Variants in IL12RB1 observed in about 807,000 individuals in gnomAD.
IL12RB1 encodes the protein interleukin-12 receptor subunit beta-1.
A neutral mutation model predicts 94.4 loss-of-function variants in IL12RB1; 64 were observed. The ratio of observed to expected loss-of-function variants is 0.68; its 90% CI spans 0.55 to 0.83. The LOEUF is 0.83. Among genes scored for constraint, IL12RB1 ranks in the 40% least tolerant of loss-of-function variants. The pLI, the probability that IL12RB1 is intolerant of heterozygous loss-of-function variation, is 0.00. For missense variants in IL12RB1, 814 were observed against 855.6 expected (o/e 0.95, Z 0.61); for synonymous variants, 362 against 355.5 (o/e 1.02, Z -0.21).
chr19:18,075,453 G>T (rs1195529646), intron 7 of IL12RB1, among the ~76,000 whole-genome samples: 1 of 151,640 alleles, frequency 6.6e-6, no homozygotes, highest in African/African-American at 2.4e-5. Context: ...TAGAGAAGGG[G>T]TTTCACCATG....
intron 9 of IL12RB1, among the ~76,000 whole-genome samples, chr19:18,070,139 C>T (rs1189964355): frequency 3.3e-5 from 5 of 152,062 alleles, no homozygotes; most frequent in African/African-American, 9.7e-5. Context: ...AGGCTGGTCT[C>T]GAACTCCTGA....
chr19:18,059,820 C>T, intron 16 of IL12RB1, 74 bp downstream of exon 16: 1 of 853,528 alleles, frequency 1.2e-6, no homozygotes, highest in Non-Finnish European at 2.0e-6. Context: ...ATCCCAGGAG[C>T]GATGGATGTC....
At chr19:18,079,876 G>A (rs572999061) in intron 4 of IL12RB1, among the ~76,000 whole-genome samples, 8 of 152,018 alleles carry the variant, frequency 5.3e-5, no homozygotes, top group African/African-American at 1.4e-4. Context: ...CAGCCTGGGC[G>A]ACAGAGCGAA....
intron 1 of IL12RB1, chr19:18,097,735 G>T: frequency 8.7e-7 from 1 of 1,149,458 alleles, no homozygotes; most frequent in Non-Finnish European, 1.1e-6. Flanking sequence ...CCTGGCGGCG[G>T]GGCCTGGCAG....
intron 4 of IL12RB1, among the ~76,000 whole-genome samples, chr19:18,078,949 G>A (rs369378): frequency 0.17 from 26,210 of 151,816 alleles, 2,405 homozygotes; most frequent in Non-Finnish European, 0.21. Flanking sequence ...GCCTGTACTC[G>A]AAGCACTTTG....
Position 18,060,074 on chromosome 19 carries a change from C to A in IL12RB1, c.1803G>T (p.Trp601Cys). ...CTTCCTGGAAGTCCACTGGGTTGAT[C>A]CACTGCCAAGTCTGCAGAGGGAGGG... is the stretch of plus-strand genomic sequence containing the variant. The part of the protein sequence containing the change: ...EFPGGKETWQ[W>C]INPVDFQEEA... The change falls in exon 16 of 17, where the codon TGG (tryptophan) becomes TGT (cysteine). Residue 601 changes from tryptophan to cysteine, a missense_variant. By Grantham distance (215) the Trp-to-Cys change is radical. Transcript: ENST00000593993. 6.3e-7 allele frequency: 1 copy of A among 1,594,966 alleles called. No homozygotes were observed. The highest frequency in any genetic ancestry group is 8.6e-7 in the Non-Finnish European group (1 of 1,164,402).
upstream of IL12RB1, chr19:18,091,508 T>A (rs763987195): frequency 3.9e-5 from 6 of 152,122 alleles, no homozygotes; most frequent in East Asian, 5.8e-4. Flanking sequence ...CGAGCTTCCC[T>A]CCATGTGGCA....
At chr19:18,079,580 G>A (rs546003111) in intron 4 of IL12RB1, among the ~76,000 whole-genome samples, 4 of 151,914 alleles carry the variant, frequency 2.6e-5, no homozygotes, top group Non-Finnish European at 4.4e-5. Context: ...TTCTACTTTC[G>A]GTGCCTAGAT....
intron 2 of IL12RB1, among the ~76,000 whole-genome samples, chr19:18,082,954 G>A (rs17880695): frequency 0.39 from 58,634 of 151,544 alleles, 12,252 homozygotes; most frequent in South Asian, 0.59. Context: ...GTGGTGGCGG[G>A]CACCTGTAAT....
rs1282668539 is a variant in IL12RB1, at chr19:18,062,253, A to G, written c.1643T>C (p.Ile548Thr). 1 of 1,612,606 alleles carries G rather than the reference A, an allele frequency of 6.2e-7. No individual in the cohort carries two copies. The highest frequency in any genetic ancestry group is 8.5e-7 in the Non-Finnish European group (1 of 1,179,294). The change falls in exon 14 of 17, where the codon ATC becomes ACC. Residue 548 changes from isoleucine to threonine, a missense_variant. Physicochemically the swap from Ile to Thr is moderately conservative, Grantham distance 89 (BLOSUM62 -1). Transcript: ENST00000593993. ...SIEVQVSDWL[I>T]FFASLGSFLS... ...GAAGCTCCCCAGGGAGGCGAAGAAG[A>G]TGAGCCAATCAGAAACCTGCACTTC...
At position 18,093,554 on chromosome 19, in the gene IL12RB1, A is replaced by T. The variant is rs76970967; in HGVS notation, c.-229-2785T>A. ...GTGGCTCTCTCCAGCATGTTCCCACATGCCCAACCCAACCCTGGTTCAGGG... is the reference window on the plus strand; with the variant it reads ...GTGGCTCTCTCCAGCATGTTCCCACTTGCCCAACCCAACCCTGGTTCAGGG... On this transcript the variant is annotated intron_variant, in intron 1 of 4. Transcript: ENST00000594176. Among the ~76,000 whole-genome samples the T allele has an allele frequency of 9.2e-3, 1,397 of 152,206 alleles. 13 individuals carry two copies. Among genetic ancestry groups the T allele is most frequent in the Non-Finnish European group, 0.014 (953 of 68,000 alleles).
At position 18,083,174 on chromosome 19, in the gene IL12RB1, G is replaced by C. The variant is rs17884999; in HGVS notation, c.124+258C>G. ...TAACAGGTACTTTCTCCCATGTACC[G>C]ACCAATCTGAACGGACACAGACACC... On this transcript the variant is annotated intron_variant, in intron 2 of 16. Coordinates refer to ENST00000593993, the MANE Select transcript of IL12RB1 (RefSeq NM_005535.3). 1,262 of 590,020 alleles carry C rather than the reference G, an allele frequency of 2.1e-3. 2 individuals are homozygous for C. The highest frequency in any genetic ancestry group is 3.2e-3 in the Non-Finnish European group (1,067 of 329,110). The allele number at this position is 590,020 out of a possible 1,614,324, so 36.5% of individuals were successfully genotyped here.
chr19:18,080,991 C>T lies in IL12RB1; in HGVS notation c.250G>A (p.Gly84Arg), dbSNP rs757986795. The change falls in exon 4 of 17, where the codon GGG (glycine) becomes AGG (arginine). Residue 84 changes from glycine (G) to arginine (R), a missense_variant. Gly to Arg is a moderately radical substitution (Grantham distance 125). Transcript: ENST00000593993. ...CCGGCGGCGAAGTAGCAGCAGCGCC[C>T]GGAGCTAAGGCTGCAGCAGGAAGGA... is the stretch of plus-strand genomic sequence containing the variant. ...SHFLRCCLSS[G>R]RCCYFAAGSA... The T allele has an allele frequency of 1.6e-5, 26 of 1,612,118 alleles. No individual in the cohort carries two copies. The highest frequency in any genetic ancestry group is 1.5e-4 in the Admixed American group (9 of 59,966).
upstream of IL12RB1, among the ~76,000 whole-genome samples, chr19:18,087,236 G>A (rs1364357147): frequency 1.3e-5 from 2 of 149,524 alleles, no homozygotes; most frequent in Non-Finnish European, 3.0e-5. Context: ...TTGAGATGGA[G>A]CCCTGCTCTG....
In IL12RB1 at chr19:18,095,696, T is replaced by A. The variant is rs2036855966; in HGVS notation, c.-230+3059A>T. 2.0e-5 allele frequency among the ~76,000 whole-genome samples: 3 copies of A among 152,324 alleles called. No homozygotes were observed. The South Asian group carries it at 6.2e-4, about 32-fold the overall frequency. The stretch of plus-strand genomic sequence containing the variant: ...TATGGTATGTGAATTATATGTCAAT[T>A]TTTAAAATTGTATGAGAAAAACAAG... On this transcript the variant is annotated intron_variant, in intron 1 of 4. Transcript: ENST00000594176.
Position 18,066,684 on chromosome 19 carries a change from C to T in IL12RB1, c.1341G>A (p.Gly447=). ...TCTTCACCGAGACGTGGTGCGGTGT[C>T]CCAGCTGCTGAGGCTGCAACCAGTA... ...YHFGGNASAA[G]TPHHVSVKNH... The change falls in exon 12 of 17, where the codon GGG becomes GGA. Residue 447 remains glycine (G), a synonymous_variant. Transcript: ENST00000593993. The T allele has an allele frequency of 3.7e-6, 6 of 1,609,016 alleles. No individual in the cohort carries two copies. The highest frequency in any genetic ancestry group is 5.1e-6 in the Non-Finnish European group (6 of 1,176,412).
rs1275682609 is a variant in IL12RB1 at position 18,059,232 on chromosome 19, A to C, written c.*376T>G. On this transcript the variant is annotated 3_prime_UTR_variant, in exon 17 of 17. Transcript: ENST00000593993. ...ATATGCCTGGATCCTCCAAGCTACA[A>C]GACCCCGCAATGCTGCAGGGAGCCC... 5 of 332,566 alleles carry C rather than the reference A, an allele frequency of 1.5e-5. No individual in the cohort carries two copies. The highest frequency in any genetic ancestry group is 2.9e-5 in the Non-Finnish European group (5 of 173,986). The allele number at this position is 332,566 out of a possible 1,614,324, so 20.6% of individuals were successfully genotyped here.
intron 15 of IL12RB1, among the ~76,000 whole-genome samples, chr19:18,060,633 G>C (rs563013826): frequency 1.4e-3 from 219 of 152,202 alleles, no homozygotes; most frequent in African/African-American, 3.6e-3. Context: ...CTCTAGCAAT[G>C]GTCATGTGAC....
chr19:18,080,457 T>C (rs1229602767), intron 4 of IL12RB1, among the ~76,000 whole-genome samples: 1 of 152,142 alleles, frequency 6.6e-6, no homozygotes, highest in Non-Finnish European at 1.5e-5. Context: ...CAGGATGGTC[T>C]CGATCTCTTG....
Sources: allele counts gnomAD v4.1 joint callset (sites outside exome capture counted in the v4.1 genomes callset), GRCh38; gene constraint gnomAD v4.1.1; transcripts MANE v1.5; gene names NCBI Gene and HGNC (gene_info 2026-07-23, HGNC 2026-07-21).